Variants in DENND2B observed in about 807,000 individuals in gnomAD.
DENND2B encodes DENN domain-containing protein 2B.
In DENND2B, 32 loss-of-function variants were observed where a neutral mutation model predicts 116.0. That is an observed-to-expected ratio of 0.28 (90% confidence interval 0.21 to 0.37). The LOEUF is 0.37. Ranked by LOEUF, DENND2B falls within the 10% of genes least tolerant of loss-of-function variation. DENND2B has a pLI of 1.00. For missense variants in DENND2B, 1,276 were observed against 1,477.7 expected (o/e 0.86, Z 2.24); for synonymous variants, 588 against 583.9 (o/e 1.01, Z -0.10).
intron 1 of DENND2B, among the ~76,000 whole-genome samples, chr11:8,798,828 CTTTT>C (rs200890965): frequency 7.5e-6 from 1 of 134,186 alleles, no homozygotes; most frequent in Non-Finnish European, 1.6e-5. Flanking sequence ...TTTCCGGTTG[CTTTT>C]TTTTTTTTTT....
chr11:8,777,252 C>A lies in DENND2B; in HGVS notation c.-25-26527G>T, dbSNP rs1175175686. Among the ~76,000 whole-genome samples the A allele has an allele frequency of 2.0e-5, 3 of 151,902 alleles. No individual in the cohort carries two copies. The South Asian group carries it at 6.2e-4, about 32-fold the overall frequency. ...GTGCCACCCCCACCCAGGCACCCCA[C>A]CTTGGATAGCCAAGAGGGCTACCTC... On this transcript the variant is annotated intron_variant, in intron 1 of 19. Transcript: ENST00000313726.
intron 3 of DENND2B, among the ~76,000 whole-genome samples, chr11:8,842,251 T>A (rs781643973): frequency 3.3e-5 from 5 of 152,178 alleles, no homozygotes; most frequent in Non-Finnish European, 7.4e-5. Flanking sequence ...CTGGAAATAC[T>A]GATATTAAGA....
upstream of DENND2B, among the ~76,000 whole-genome samples, chr11:8,814,539 G>A (rs570623875): frequency 8.5e-5 from 13 of 152,192 alleles, no homozygotes; most frequent in African/African-American, 3.1e-4. Context: ...GTCTTTGCCT[G>A]GATAGCTCTT....
chr11:8,892,545 T>TA (rs2064047268), intron 1 of DENND2B, among the ~76,000 whole-genome samples: 1 of 151,690 alleles, frequency 6.6e-6, no homozygotes, highest in Non-Finnish European at 1.5e-5. Flanking sequence ...ATAGACACAA[T>TA]AAAAAATGAT....
chr11:8,868,067 G>T (rs2063647250), intron 2 of DENND2B, among the ~76,000 whole-genome samples: 1 of 152,168 alleles, frequency 6.6e-6, no homozygotes, highest in Non-Finnish European at 1.5e-5. Flanking sequence ...CAAACCAGCA[G>T]TGGCATTGAT....
At chr11:8,818,619 G>A (rs1021435820) in intron 4 of DENND2B, among the ~76,000 whole-genome samples, 4 of 151,940 alleles carry the variant, frequency 2.6e-5, no homozygotes, top group Non-Finnish European at 1.5e-5. Flanking sequence ...CTCAGAACAG[G>A]CTGCCACTCC....
At chr11:8,871,533 C>A (rs1352059947), upstream of DENND2B, 3 of 152,212 alleles carry the variant, frequency 2.0e-5, no homozygotes, top group Admixed American at 6.5e-5. Context: ...GCACCGCCCG[C>A]CGGCCTTCAA....
chr11:8,779,530 G>A (rs77564682), intron 1 of DENND2B, among the ~76,000 whole-genome samples: 3 of 59,266 alleles, frequency 5.1e-5, no homozygotes, highest in African/African-American at 1.2e-4. Flanking sequence ...TTTTTTTTTT[G>A]AGACGAAGTT....
chr11:8,714,050 AG>A lies in DENND2B; in HGVS notation c.1943-9del, dbSNP rs1260656315. ...CGCTCTCACTGTTTTCATCTGGAAA[AG>A]GAACAGCAGAGTACATACTTGCTGG... On this transcript the variant is annotated splice_polypyrimidine_tract_variant and intron_variant, in intron 7 of 19. Transcript: ENST00000313726. 1.2e-6 allele frequency: 2 copies of A among 1,613,836 alleles called. No individual in the cohort carries two copies. Among genetic ancestry groups the A allele is most frequent in the African/African-American group, 2.7e-5 (2 of 74,934 alleles).
intron 2 of DENND2B, among the ~76,000 whole-genome samples, chr11:8,734,789 C>T (rs951596417): frequency 4.5e-4 from 29 of 65,088 alleles, no homozygotes; most frequent in African/African-American, 1.3e-3. Flanking sequence ...AAACAAGAGT[C>T]TCAAAAAAAA....
intron 4 of DENND2B, among the ~76,000 whole-genome samples, chr11:8,816,156 T>C (rs1438842402): frequency 6.6e-6 from 1 of 152,150 alleles, no homozygotes; most frequent in Non-Finnish European, 1.5e-5. Context: ...GAAATGGCAG[T>C]CTAATTTCAA....
Position 8,702,928 on chromosome 11 carries a change from A to T in DENND2B, c.2572-208T>A, listed in dbSNP as rs1347194021. The T allele has an allele frequency of 2.4e-5, 15 of 623,246 alleles. No homozygotes were observed. Among genetic ancestry groups the T allele is most frequent in the Non-Finnish European group, 3.8e-5 (14 of 372,540 alleles). The allele number at this position is 623,246 out of a possible 1,614,324, so 38.6% of individuals were successfully genotyped here. Reference sequence around the variant, plus strand: ...CACTCGAACACCCAGCCTGTGGGCAAGAGGGCTGCCTGTGAAAGCGGGGAA... The same window carrying T: ...CACTCGAACACCCAGCCTGTGGGCATGAGGGCTGCCTGTGAAAGCGGGGAA... On this transcript the variant is annotated intron_variant, in intron 13 of 19. Coordinates refer to ENST00000313726, the MANE Select transcript of DENND2B (RefSeq NM_213618.2). This position sits in a 1 kb window ranked among gnomAD's most constrained non-coding sequence, Gnocchi z 4.6.
chr11:8,890,212 A>C (rs1018632496), intron 1 of DENND2B, among the ~76,000 whole-genome samples: 4 of 152,258 alleles, frequency 2.6e-5, no homozygotes, highest in Non-Finnish European at 5.9e-5. Flanking sequence ...TAACAAACAG[A>C]AAGGACATCC....
intron 1 of DENND2B, among the ~76,000 whole-genome samples, chr11:8,798,881 G>A (rs1282918681): frequency 1.4e-5 from 2 of 145,596 alleles, no homozygotes; most frequent in Non-Finnish European, 3.0e-5. Flanking sequence ...AGGCTGGAGT[G>A]AAACAGCACA....
intron 19 of DENND2B, chr11:8,694,463 T>C: frequency 2.2e-6 from 1 of 458,066 alleles, no homozygotes; most frequent in Non-Finnish European, 4.2e-6. Context: ...CTGCTGTGTC[T>C]GCAGACCTGT....
intron 1 of DENND2B, among the ~76,000 whole-genome samples, chr11:8,899,571 G>A (rs894534781): frequency 2.0e-5 from 3 of 152,042 alleles, no homozygotes; most frequent in Non-Finnish European, 4.4e-5. Flanking sequence ...AAAAAAATCT[G>A]CCAACTAAAA....
chr11:8,882,691 A>G (rs1008446532), intron 1 of DENND2B, among the ~76,000 whole-genome samples: 1 of 152,240 alleles, frequency 6.6e-6, no homozygotes, highest in African/African-American at 2.4e-5. Context: ...TAATTTTAAA[A>G]GATTATCATT....
intron 2 of DENND2B, among the ~76,000 whole-genome samples, chr11:8,748,839 G>A (rs1198668076): frequency 6.6e-6 from 1 of 152,070 alleles, no homozygotes; most frequent in Non-Finnish European, 1.5e-5. Context: ...AATAGAAACT[G>A]CAGCACCTGT....
intron 4 of DENND2B, chr11:8,831,548 A>G (rs1345863953): frequency 6.6e-6 from 1 of 152,222 alleles, no homozygotes; most frequent in Non-Finnish European, 1.5e-5. Context: ...ACAGGGCAAT[A>G]AGCCTACCTC....
Sources: allele counts gnomAD v4.1 joint callset (sites outside exome capture counted in the v4.1 genomes callset), GRCh38; gene constraint gnomAD v4.1.1; non-coding constraint Gnocchi (gnomAD v3.1); transcripts MANE v1.5; gene names NCBI Gene and HGNC (gene_info 2026-07-23, HGNC 2026-07-21).